The following CMSS1 variants were observed in gnomAD, a reference collection of about 807,000 sequenced individuals.
CMSS1 encodes protein CMSS1.
In CMSS1, 33 loss-of-function variants were observed where a neutral mutation model predicts 43.5. The ratio of observed to expected loss-of-function variants is 0.76; its 90% CI spans 0.57 to 1.01. The LOEUF (loss-of-function observed/expected upper bound fraction) is 1.01. Ranked by LOEUF, CMSS1 falls within the 50% of genes least tolerant of loss-of-function variation. The pLI is 0.00. For missense variants in CMSS1, 313 were observed against 326.4 expected (o/e 0.96, Z 0.32); for synonymous variants, 115 against 117.2 (o/e 0.98, Z 0.12).
At position 99,818,051 on chromosome 3, in the gene CMSS1, C is replaced by T; in HGVS notation, c.64+8C>T. The T allele has an allele frequency of 1.9e-6, 3 of 1,613,214 alleles. No homozygotes were observed. The highest frequency in any genetic ancestry group is 2.5e-6 in the Non-Finnish European group (3 of 1,179,712). ...GAGCAGGCAGCAGCCCAGGTACCCA[C>T]TCTGTGCCCGCGCTCCTACGGGGCC... On this transcript the variant is annotated splice_region_variant and intron_variant, in intron 1 of 9. Coordinates refer to ENST00000421999, the MANE Select transcript of CMSS1 (RefSeq NM_032359.4).
intron 1 of CMSS1, among the ~76,000 whole-genome samples, chr3:99,960,037 A>G (rs970701596): frequency 6.6e-6 from 1 of 152,058 alleles, no homozygotes; most frequent in Non-Finnish European, 1.5e-5. Context: ...TCCTTCATTT[A>G]TAAATTGTCT....
At chr3:99,961,538 A>T (rs913318724) in intron 1 of CMSS1, among the ~76,000 whole-genome samples, 2 of 152,136 alleles carry the variant, frequency 1.3e-5, no homozygotes, top group Middle Eastern at 3.2e-3. Context: ...CCATCCAGTG[A>T]CGTGCAGCTG....
chr3:99,957,486 C>T (rs2107697058), intron 1 of CMSS1, among the ~76,000 whole-genome samples: 1 of 151,982 alleles, frequency 6.6e-6, no homozygotes. Flanking sequence ...ATGAAAGATC[C>T]TCATTAGGTT....
chr3:100,135,468 G>A (rs2066745493), intron 1 of CMSS1, among the ~76,000 whole-genome samples: 1 of 150,480 alleles, frequency 6.6e-6, no homozygotes, highest in Non-Finnish European at 1.5e-5. Flanking sequence ...GTGTGTGTGT[G>A]TGTGTGTGTG....
intron 1 of CMSS1, among the ~76,000 whole-genome samples, chr3:99,825,980 G>A (rs539103731): frequency 1.3e-5 from 2 of 151,712 alleles, no homozygotes; most frequent in African/African-American, 4.8e-5. Context: ...GTTTCACCAC[G>A]TTAGGCAGGA....
chr3:100,136,641 C>A (rs1463449141), intron 1 of CMSS1, among the ~76,000 whole-genome samples: 2 of 152,164 alleles, frequency 1.3e-5, no homozygotes, highest in Non-Finnish European at 2.9e-5. Context: ...TTCAGAAGAT[C>A]TTCACAGAGG....
intron 1 of CMSS1, among the ~76,000 whole-genome samples, chr3:100,060,393 G>A (rs1045455320): frequency 1.3e-5 from 2 of 152,004 alleles, no homozygotes; most frequent in Non-Finnish European, 1.5e-5. Flanking sequence ...CCTTCTAAGA[G>A]AAGGCAGCTC....
At chr3:100,145,152 C>T (rs1490688343) in intron 1 of CMSS1, among the ~76,000 whole-genome samples, 1 of 152,022 alleles carries the variant, frequency 6.6e-6, no homozygotes, top group Non-Finnish European at 1.5e-5. Context: ...TAAGAGTATA[C>T]ATATTAGGCT....
At position 99,872,927 on chromosome 3, in the gene CMSS1, T is replaced by C. The variant is rs1406172220; in HGVS notation, c.64+54884T>C. Reference sequence around the variant, plus strand: ...AGGAGAATCTCAAGTCTTTTTTTTTTTTTAAAAAAAGGAGGGATGTGCAAA... The same window carrying C: ...AGGAGAATCTCAAGTCTTTTTTTTTCTTTAAAAAAAGGAGGGATGTGCAAA... On this transcript the variant is annotated intron_variant, in intron 1 of 9. Coordinates refer to ENST00000421999, the MANE Select transcript of CMSS1 (RefSeq NM_032359.4). Among the ~76,000 whole-genome samples, 9 of 152,024 alleles carry C rather than the reference T, an allele frequency of 5.9e-5. 1 individual carries two copies.
intron 2 of CMSS1, among the ~76,000 whole-genome samples, chr3:100,156,039 G>A (rs867419743): frequency 2.0e-5 from 3 of 151,942 alleles, no homozygotes; most frequent in South Asian, 2.1e-4. Context: ...GGAGTTTTAT[G>A]TTCTAGAAAG....
At chr3:100,028,304 T>G (rs966179205) in intron 1 of CMSS1, among the ~76,000 whole-genome samples, 22 of 152,188 alleles carry the variant, frequency 1.4e-4, no homozygotes, top group African/African-American at 5.3e-4. Context: ...CTGTCATTTT[T>G]CAGCCTTTGT....
chr3:99,949,515 G>T (rs1316306346), intron 1 of CMSS1, among the ~76,000 whole-genome samples: 2 of 152,106 alleles, frequency 1.3e-5, no homozygotes, highest in African/African-American at 2.4e-5. Flanking sequence ...AATTTTACTC[G>T]CAGTACGTTT....
At chr3:99,926,679 C>G (rs1231393522) in intron 1 of CMSS1, among the ~76,000 whole-genome samples, 2 of 152,254 alleles carry the variant, frequency 1.3e-5, no homozygotes, top group East Asian at 1.9e-4. Context: ...CTAAAAGAGG[C>G]TTTTCTAAAT....
intron 1 of CMSS1, among the ~76,000 whole-genome samples, chr3:100,073,979 G>T (rs748680159): frequency 6.6e-6 from 1 of 151,914 alleles, no homozygotes; most frequent in Non-Finnish European, 1.5e-5. Context: ...GCACGCCATG[G>T]TTCTCCTTCC....
At position 99,930,919 on chromosome 3, in the gene CMSS1, T is replaced by TC. The variant is rs751087845; in HGVS notation, c.64+112877dup. On this transcript the variant is annotated intron_variant, in intron 1 of 9. Transcript: ENST00000421999. ...CACTGGGGGAGTCTTTGTCTTGCTG[T>TC]CTATGCTTCATGTTTTTAGGCCCTT... 3.7e-6 allele frequency: 6 copies of TC among 1,613,506 alleles called. No individual in the cohort carries two copies. The South Asian group carries it at 5.5e-5, about 15-fold the overall frequency.
At chr3:99,989,236 CTG>C (rs1453907705) in intron 1 of CMSS1, among the ~76,000 whole-genome samples, 9 of 152,176 alleles carry the variant, frequency 5.9e-5, no homozygotes, top group Non-Finnish European at 8.8e-5. Context: ...AAGCCAACCT[CTG>C]TTCTGATTCC....
intron 1 of CMSS1, among the ~76,000 whole-genome samples, chr3:99,967,558 G>A (rs1708691133): frequency 6.6e-6 from 1 of 152,118 alleles, no homozygotes; most frequent in African/African-American, 2.4e-5. Context: ...GGAATATGGT[G>A]AGTCCCTACA....
intron 1 of CMSS1, among the ~76,000 whole-genome samples, chr3:99,868,218 G>T (rs1336402880): frequency 1.3e-5 from 2 of 152,170 alleles, no homozygotes; most frequent in Non-Finnish European, 2.9e-5. Flanking sequence ...GTTCTTGTGG[G>T]TTTCTCACAG....
intron 1 of CMSS1, among the ~76,000 whole-genome samples, chr3:99,991,286 G>A (rs1709503421): frequency 6.6e-6 from 1 of 152,098 alleles, no homozygotes; most frequent in Non-Finnish European, 1.5e-5. Context: ...GAAGTGTGAG[G>A]CCTACCTGCA....
Sources: allele counts gnomAD v4.1 joint callset (sites outside exome capture counted in the v4.1 genomes callset), GRCh38; gene constraint gnomAD v4.1.1; transcripts MANE v1.5; gene names NCBI Gene and HGNC (gene_info 2026-07-23, HGNC 2026-07-21).